The following DOP1A variants were observed in gnomAD, a reference collection of about 807,000 sequenced individuals.
DOP1A encodes DOP1 leucine zipper like protein A.
DOP1A carries 90 observed loss-of-function variants against 267.6 expected under a neutral mutation model. The ratio of observed to expected loss-of-function variants is 0.34; its 90% CI spans 0.28 to 0.40. DOP1A has a LOEUF of 0.40. Ranked by LOEUF, DOP1A falls within the 10% of genes least tolerant of loss-of-function variation. DOP1A has a pLI of 1.00. For synonymous variants in DOP1A, 932 were observed against 999.1 expected, an observed-to-expected ratio of 0.93 and a Z score of 1.27; for missense variants, 2,437 against 2,900.4, an observed-to-expected ratio of 0.84 and a Z score of 3.67.
intron 6 of DOP1A, 53 bp from the exon 7 acceptor site, chr6:83,113,270 C>T (rs1054279287): frequency 7.7e-6 from 11 of 1,436,232 alleles, no homozygotes; most frequent in African/African-American, 2.8e-5. Flanking sequence ...ATTTTCGTGG[C>T]AAAAATGTCT....
At chr6:83,124,633 GGAT>G in intron 12 of DOP1A, 69 bp from the exon 13 acceptor site, 1 of 1,080,854 alleles carries the variant, frequency 9.3e-7, no homozygotes, top group Middle Eastern at 2.0e-4. Context: ...TTCATTAGAA[GGAT>G]GATGATGCTG....
At chr6:83,069,171 G>A (rs1466938141) in intron 1 of DOP1A, among the ~76,000 whole-genome samples, 1 of 152,078 alleles carries the variant, frequency 6.6e-6, no homozygotes, top group Non-Finnish European at 1.5e-5. Context: ...TCCAGGCTTC[G>A]GTTTTGTCAT....
chr6:83,167,907 C>A lies in DOP1A; in HGVS notation c.7138C>A (p.Pro2380Thr), dbSNP rs771345848. 2 of 1,613,502 alleles carry A rather than the reference C, an allele frequency of 1.2e-6. No individual in the cohort carries two copies. Among genetic ancestry groups the A allele is most frequent in the Non-Finnish European group, 8.5e-7 (1 of 1,179,708 alleles). ...DNSGRTLGWE[P>T]GHLLLTICTV... ...CTCAGGGAGAACATTGGGTTGGGAG[C>A]CAGGGCACTTGCTGCTCACCATCTG... The change falls in exon 39 of 39, where the codon CCA (proline) becomes ACA (threonine). Residue 2380 changes from proline to threonine, a missense_variant. Pro to Thr is a conservative substitution (Grantham distance 38, BLOSUM62 -1). This residue lies in a region of DOP1A where 197 missense variants were observed against 246.5 expected (regional missense o/e 0.80). Coordinates refer to ENST00000349129, the MANE Select transcript of DOP1A (RefSeq NM_015018.4).
At chr6:83,073,521 G>A (rs566114665) in intron 1 of DOP1A, among the ~76,000 whole-genome samples, 1 of 152,234 alleles carries the variant, frequency 6.6e-6, no homozygotes, top group African/African-American at 2.4e-5. Flanking sequence ...CCAATTTTAC[G>A]TAATCTGATA....
chr6:83,113,322 G>C lies in DOP1A; in HGVS notation c.682-1G>C. 6.2e-7 allele frequency: 1 copy of C among 1,609,982 alleles called. No homozygotes were observed. The highest frequency in any genetic ancestry group is 8.5e-7 in the Non-Finnish European group (1 of 1,177,638). ...AGATGTTAAAGATGCTGTTATTTCA[G>C]GTAGAAGCAGTAAGTACTTCAGTGC... is the stretch of plus-strand genomic sequence containing the variant. On this transcript the variant is annotated splice_acceptor_variant, in intron 6 of 38. Transcript: ENST00000349129. LOFTEE classifies it high-confidence loss of function.
At chr6:83,098,787 T>C (rs1446295287) in intron 3 of DOP1A, among the ~76,000 whole-genome samples, 1 of 152,120 alleles carries the variant, frequency 6.6e-6, no homozygotes, top group African/African-American at 2.4e-5. Context: ...TGGATAGGCA[T>C]GATTGAAGCA....
intron 4 of DOP1A, among the ~76,000 whole-genome samples, chr6:83,104,486 A>G (rs1050802421): frequency 6.6e-6 from 1 of 152,044 alleles, no homozygotes; most frequent in Non-Finnish European, 1.5e-5. Context: ...CTATGATTTT[A>G]CATTTTTATC....
chr6:83,145,719 GAT>G, intron 25 of DOP1A, 61 bp downstream of exon 25: 1 of 1,556,462 alleles, frequency 6.4e-7, no homozygotes, highest in South Asian at 1.2e-5. Flanking sequence ...ATGCTGGTAA[GAT>G]TTTTTTTTGT....
intron 1 of DOP1A, among the ~76,000 whole-genome samples, chr6:83,091,196 C>G (rs1770326310): frequency 6.6e-6 from 1 of 151,936 alleles, no homozygotes; most frequent in Non-Finnish European, 1.5e-5. Context: ...ATGGGAAAGA[C>G]CTGCCCCCAT....
intron 1 of DOP1A, among the ~76,000 whole-genome samples, chr6:83,088,459 T>C (rs1425914215): frequency 7.1e-6 from 1 of 140,188 alleles, no homozygotes; most frequent in South Asian, 2.4e-4. Flanking sequence ...AGTCTCACTC[T>C]GTCCCCAGGC....
intron 34 of DOP1A, 114 bp from the exon 35 acceptor site, chr6:83,157,068 T>C (rs1424788400): frequency 9.7e-7 from 1 of 1,028,362 alleles, no homozygotes; most frequent in African/African-American, 1.7e-5. Context: ...GTTTTGAATT[T>C]TTTTAAAGTT....
At chr6:83,130,547 C>A in intron 17 of DOP1A, 150 bp downstream of exon 17, 2 of 982,420 alleles carry the variant, frequency 2.0e-6, no homozygotes, top group Non-Finnish European at 2.9e-6. Flanking sequence ...AATGATGCCA[C>A]AGCTGATATA....
intron 26 of DOP1A, among the ~76,000 whole-genome samples, chr6:83,148,316 G>A (rs1780941493): frequency 6.6e-6 from 1 of 152,116 alleles, no homozygotes; most frequent in South Asian, 2.1e-4. Context: ...GGAGGCTGAG[G>A]CAGGAGAGAA....
At chr6:83,140,854 G>A (rs1779523896) in intron 23 of DOP1A, among the ~76,000 whole-genome samples, 1 of 151,598 alleles carries the variant, frequency 6.6e-6, no homozygotes, top group African/African-American at 2.4e-5. Flanking sequence ...ATTCATACAT[G>A]TTATAACTTT....
intron 9 of DOP1A, among the ~76,000 whole-genome samples, chr6:83,120,206 A>G (rs1776150962): frequency 6.6e-6 from 1 of 151,952 alleles, no homozygotes; most frequent in Admixed American, 6.6e-5. Flanking sequence ...TTTATTTCAT[A>G]TTATTTTTAA....
intron 1 of DOP1A, among the ~76,000 whole-genome samples, chr6:83,082,880 T>C (rs1334843793): frequency 6.6e-6 from 1 of 151,642 alleles, no homozygotes; most frequent in African/African-American, 2.4e-5. Context: ...CGGTCTCCAC[T>C]CACTGCACCC....
intron 38 of DOP1A, chr6:83,165,599 G>C (rs925144381): frequency 5.8e-6 from 1 of 173,644 alleles, no homozygotes; most frequent in Admixed American, 5.9e-5. Flanking sequence ...CAAATTTGAC[G>C]AACTCTTGGA....
At chr6:83,078,072 A>G (rs534687296) in intron 1 of DOP1A, among the ~76,000 whole-genome samples, 1 of 152,344 alleles carries the variant, frequency 6.6e-6, no homozygotes, top group African/African-American at 2.4e-5. Context: ...ATAATTTAAT[A>G]GAAAATTAAA....
Position 83,119,782 on chromosome 6 carries a change from A to AAGCACAAGACAC in DOP1A, c.918_929dup (p.Thr307_Ser310dup). The AAGCACAAGACAC allele has an allele frequency of 6.2e-7, 1 of 1,613,096 alleles. No homozygotes were observed. The highest frequency in any genetic ancestry group is 8.5e-7 in the Non-Finnish European group (1 of 1,179,268). ...ACAACGGTGCTATCATAGGACCCAG[A>AAGCACAAGACAC]AGCACAAGACACAGTAATCCTGAAG... On this transcript the variant is annotated inframe_insertion, in exon 9 of 39. Transcript: ENST00000349129.
Sources: allele counts gnomAD v4.1 joint callset (sites outside exome capture counted in the v4.1 genomes callset), GRCh38; gene constraint gnomAD v4.1.1; regional missense constraint gnomAD v4.1.1; transcripts MANE v1.5; gene names NCBI Gene and HGNC (gene_info 2026-07-23, HGNC 2026-07-21).